Variants in SLC24A4 observed in about 807,000 individuals in gnomAD.
SLC24A4 encodes solute carrier family 24 member 4, also known as sodium/potassium/calcium exchanger 4.
SLC24A4 carries 53 observed loss-of-function variants against 79.0 expected under a neutral mutation model. The ratio of observed to expected loss-of-function variants is 0.67; its 90% CI spans 0.54 to 0.84. The LOEUF (loss-of-function observed/expected upper bound fraction) is 0.84, where lower values mean the gene tolerates loss of function less well. SLC24A4 is among the 40% of genes least tolerant of loss of function. SLC24A4 has a pLI of 0.00. For missense variants in SLC24A4, 731 were observed against 822.0 expected (o/e 0.89, Z 1.35); for synonymous variants, 323 against 323.8 (o/e 1.00, Z 0.03).
intron 2 of SLC24A4, among the ~76,000 whole-genome samples, chr14:92,343,635 T>C (rs1886318195): frequency 7.0e-6 from 1 of 142,806 alleles, no homozygotes; most frequent in Non-Finnish European, 1.5e-5. Context: ...TTTCTTTCTT[T>C]CTTTCTCTCT....
intron 12 of SLC24A4, among the ~76,000 whole-genome samples, chr14:92,467,776 T>C (rs12590273): frequency 0.12 from 17,625 of 152,126 alleles, 1,213 homozygotes; most frequent in Non-Finnish European, 0.16. Context: ...CCAACAGATC[T>C]TCATAGGCCA....
chr14:92,350,997 AAG>A (rs35908455), intron 2 of SLC24A4, among the ~76,000 whole-genome samples: 18,473 of 152,130 alleles, frequency 0.12, 1,181 homozygotes, highest in Admixed American at 0.15. Context: ...TGCAACCTGG[AAG>A]AGAGGGTCCT....
chr14:92,398,242 GGACAGTTGAGTGCTA>G lies in SLC24A4; in HGVS notation c.242-35666_242-35652del, dbSNP rs1889892197. Among the ~76,000 whole-genome samples the G allele has an allele frequency of 6.6e-6, 1 of 152,212 alleles. No individual in the cohort carries two copies. The highest frequency in any genetic ancestry group is 2.1e-4 in the South Asian group (1 of 4,834). ...GGTAGTCAGAAGCCATTTAGCAACAGGACAGTTGAGTGCTAGACTAAGGATGCCCTTATCTTCGGA... is the reference window on the plus strand; with the variant it reads ...GGTAGTCAGAAGCCATTTAGCAACAGGACTAAGGATGCCCTTATCTTCGGA... On this transcript the variant is annotated intron_variant, in intron 2 of 16. Coordinates refer to ENST00000532405, the MANE Select transcript of SLC24A4 (RefSeq NM_153646.4). The surrounding 1 kb of genome is among the most constrained non-coding windows in gnomAD (Gnocchi z 4.1).
rs4904885 is a variant in SLC24A4 at position 92,373,211 on chromosome 14, C to T, written c.241+47233C>T. Among the ~76,000 whole-genome samples, 906 of 149,160 alleles carry T rather than the reference C, an allele frequency of 6.1e-3. 9 individuals carry two copies. Among genetic ancestry groups the T allele is most frequent in the African/African-American group, 0.018 (708 of 40,454 alleles). The stretch of plus-strand genomic sequence containing the variant: ...ACACACACGCACACACACACACACA[C>T]ATATATATATTTAGTAGAAACGGGG... On this transcript the variant is annotated intron_variant, in intron 2 of 16. Transcript: ENST00000532405.
intron 2 of SLC24A4, 75 bp from the exon 3 acceptor site, chr14:92,433,837 C>A: frequency 7.8e-7 from 1 of 1,284,894 alleles, no homozygotes; most frequent in Non-Finnish European, 1.1e-6. Flanking sequence ...CCTTAGTGAA[C>A]TCTCAGAAGT....
chr14:92,385,534 C>T (rs375425567), intron 2 of SLC24A4, among the ~76,000 whole-genome samples: 5 of 151,648 alleles, frequency 3.3e-5, no homozygotes, highest in South Asian at 2.1e-4. Flanking sequence ...TTTTTAATTA[C>T]GTACAAAGAT....
intron 11 of SLC24A4, 52 bp from the exon 12 acceptor site, chr14:92,456,352 C>T: frequency 6.3e-7 from 1 of 1,593,044 alleles, no homozygotes; most frequent in Non-Finnish European, 8.6e-7. Context: ...ATAGCAATAG[C>T]ATGATGCTTT....
chr14:92,324,019 T>C lies in SLC24A4; in HGVS notation c.130+59T>C, dbSNP rs919187470. The C allele has an allele frequency of 3.8e-6, 6 of 1,566,306 alleles. No homozygotes were observed. The South Asian group carries it at 5.8e-5, about 15-fold the overall frequency. ...AGTTGGGGGCTTTGGCTGGGGAGTC[T>C]CGGGGCGGCTGCGAGATGTTTTCCC... On this transcript the variant is annotated intron_variant, in intron 1 of 16. Coordinates refer to ENST00000532405, the MANE Select transcript of SLC24A4 (RefSeq NM_153646.4).
At chr14:92,436,488 G>A (rs984416835) in intron 3 of SLC24A4, among the ~76,000 whole-genome samples, 7 of 152,026 alleles carry the variant, frequency 4.6e-5, no homozygotes, top group Non-Finnish European at 7.4e-5. Flanking sequence ...CCATTCTATG[G>A]CTCGTTTTTG....
intron 10 of SLC24A4, 132 bp from the exon 11 acceptor site, chr14:92,453,768 A>T: frequency 3.1e-6 from 3 of 961,168 alleles, no homozygotes; most frequent in Non-Finnish European, 1.5e-6. Flanking sequence ...AGGCATCCAG[A>T]CTTCCCGGTG....
At chr14:92,486,847 C>A in intron 14 of SLC24A4, 67 bp downstream of exon 14, 1 of 1,190,698 alleles carries the variant, frequency 8.4e-7, no homozygotes, top group Non-Finnish European at 1.2e-6. Flanking sequence ...CCCTGCCTGA[C>A]TTACAGTTGA....
At position 92,494,692 on chromosome 14, in the gene SLC24A4, T is replaced by C. The variant is rs1895863922; in HGVS notation, c.*1064T>C. On this transcript the variant is annotated 3_prime_UTR_variant, in exon 17 of 17. Coordinates refer to ENST00000532405, the MANE Select transcript of SLC24A4 (RefSeq NM_153646.4). The surrounding 1 kb of genome is among the most constrained non-coding windows in gnomAD (Gnocchi z 4.6). ...ACTGAACTGAGTGTGTCAGAAGTGC[T>C]GGTTAATGACGAGAAGAGATTGCCT... The C allele has an allele frequency of 6.6e-6, 1 of 152,374 alleles. No homozygotes were observed. The allele number at this position is 152,374 out of a possible 1,614,324, so 9.4% of individuals were successfully genotyped here. A position where few individuals can be genotyped will look rare whatever the true frequency, so the allele number is the denominator to read the frequency against.
chr14:92,479,711 C>T (rs966646156), intron 12 of SLC24A4, among the ~76,000 whole-genome samples: 1 of 152,170 alleles, frequency 6.6e-6, no homozygotes, highest in African/African-American at 2.4e-5. Flanking sequence ...CGAAGTAATA[C>T]TGGCTTCATA....
At chr14:92,340,269 C>T (rs1376310514) in intron 2 of SLC24A4, among the ~76,000 whole-genome samples, 2 of 152,236 alleles carry the variant, frequency 1.3e-5, no homozygotes, top group South Asian at 2.1e-4. Flanking sequence ...TCCCAGTCCT[C>T]AGTGAGCCCA....
chr14:92,322,975 A>G (rs1467187444), upstream of SLC24A4, among the ~76,000 whole-genome samples: 2 of 152,146 alleles, frequency 1.3e-5, no homozygotes. Flanking sequence ...TATGGAAGAA[A>G]GGAGAGAAAA....
At chr14:92,378,277 G>A (rs1204447500) in intron 2 of SLC24A4, among the ~76,000 whole-genome samples, 2 of 152,154 alleles carry the variant, frequency 1.3e-5, no homozygotes, top group East Asian at 1.9e-4. Flanking sequence ...TGAGGGCCAT[G>A]TGCATTATTT....
rs568809181 is a variant in SLC24A4, at chr14:92,458,949, C to T, written c.1255+2341C>T. On this transcript the variant is annotated intron_variant, in intron 12 of 16. Coordinates refer to ENST00000532405, the MANE Select transcript of SLC24A4 (RefSeq NM_153646.4). ...TTATGAGGGGTGGGGCGAGGAGGAG[C>T]GACTTGCTGTCTGGAGAGTTCTATG... Among the ~76,000 whole-genome samples the T allele has an allele frequency of 4.6e-5, 7 of 152,296 alleles. No homozygotes were observed. The East Asian group carries it at 7.7e-4, about 17-fold the overall frequency.
At chr14:92,367,521 A>C (rs6575251) in intron 2 of SLC24A4, among the ~76,000 whole-genome samples, 118,508 of 152,102 alleles carry the variant, frequency 0.78, 49,258 homozygotes, top group East Asian at 0.95. Context: ...TGGGAAGATG[A>C]GATTTGAGGT....
chr14:92,444,580 C>T (rs533505883), intron 7 of SLC24A4, among the ~76,000 whole-genome samples: 19 of 152,286 alleles, frequency 1.2e-4, no homozygotes, highest in Admixed American at 1.0e-3. Context: ...GAAGGCTGGG[C>T]GCGGTGGCTC....
Sources: allele counts gnomAD v4.1 joint callset (sites outside exome capture counted in the v4.1 genomes callset), GRCh38; gene constraint gnomAD v4.1.1; non-coding constraint Gnocchi (gnomAD v3.1); transcripts MANE v1.5; gene names NCBI Gene and HGNC (gene_info 2026-07-23, HGNC 2026-07-21).